DAB1: variants seen among roughly 807,000 people sequenced by gnomAD.
DAB1 encodes the protein DAB adaptor protein 1.
DAB1 carries 15 observed loss-of-function variants against 64.6 expected under a neutral mutation model. The observed-to-expected ratio is 0.23, with a 90% CI of 0.16 to 0.36. The LOEUF is 0.36. Ranked by LOEUF, DAB1 falls within the 10% of genes least tolerant of loss-of-function variation. DAB1 has a pLI of 1.00. For synonymous variants in DAB1, 235 were observed against 251.9 expected (o/e 0.93, Z 0.64); for missense variants, 596 against 706.7 (o/e 0.84, Z 1.78).
At chr1:57,986,347 C>A (rs1383913207) in intron 5 of DAB1, among the ~76,000 whole-genome samples, 1 of 152,052 alleles carries the variant, frequency 6.6e-6, no homozygotes, top group Non-Finnish European at 1.5e-5. Context: ...TAAAAAAGAC[C>A]CGAGAGTGCT....
chr1:57,043,898 C>A (rs1430090037), intron 9 of DAB1, among the ~76,000 whole-genome samples: 2 of 152,000 alleles, frequency 1.3e-5, no homozygotes, highest in African/African-American at 4.8e-5. Context: ...GGAATAAAAT[C>A]CAACCTCCTC....
intron 9 of DAB1, among the ~76,000 whole-genome samples, chr1:57,059,721 C>G (rs1422227484): frequency 6.6e-6 from 1 of 151,858 alleles, no homozygotes; most frequent in African/African-American, 2.4e-5. Flanking sequence ...ACTCTGACCT[C>G]TAATTATGTT....
intron 4 of DAB1, among the ~76,000 whole-genome samples, chr1:58,181,819 T>C (rs1360348643): frequency 6.6e-6 from 1 of 152,036 alleles, no homozygotes; most frequent in Non-Finnish European, 1.5e-5. Flanking sequence ...CAATTGTCTT[T>C]TAAATCAGTT....
At chr1:57,824,901 A>T (rs527762992), downstream of DAB1, among the ~76,000 whole-genome samples, 1 of 152,232 alleles carries the variant, frequency 6.6e-6, no homozygotes, top group South Asian at 2.1e-4. Flanking sequence ...CTGCATGGAG[A>T]AAGACATGAA....
intron 2 of DAB1, among the ~76,000 whole-genome samples, chr1:57,248,231 T>A (rs1178177608): frequency 6.6e-6 from 1 of 152,202 alleles, no homozygotes; most frequent in African/African-American, 2.4e-5. Context: ...TGTATTATTT[T>A]ATTGTTGTTT....
intron 5 of DAB1, among the ~76,000 whole-genome samples, chr1:57,983,976 G>A (rs761275086): frequency 5.9e-5 from 9 of 151,952 alleles, no homozygotes; most frequent in East Asian, 5.8e-4. Flanking sequence ...ATACACACGC[G>A]CACATGCACA....
chr1:58,132,474 G>A (rs1570397936), intron 5 of DAB1, among the ~76,000 whole-genome samples: 1 of 152,124 alleles, frequency 6.6e-6, no homozygotes, highest in South Asian at 2.1e-4. Flanking sequence ...CGGCCATCTT[G>A]GCTCCTCCCC....
chr1:57,503,260 TTC>T (rs1031457636), intron 7 of DAB1, among the ~76,000 whole-genome samples: 5 of 152,232 alleles, frequency 3.3e-5, no homozygotes, highest in African/African-American at 1.2e-4. Context: ...CTTAAATCCC[TTC>T]TCTTTCATTG....
intron 7 of DAB1, among the ~76,000 whole-genome samples, chr1:57,517,167 A>AT (rs1644472542): frequency 6.6e-6 from 1 of 151,310 alleles, no homozygotes; most frequent in Non-Finnish European, 1.5e-5. Context: ...TTATTTATTT[A>AT]TTTATTTTTT....
At chr1:57,060,694 G>A (rs12038933) in intron 9 of DAB1, among the ~76,000 whole-genome samples, 9 of 152,088 alleles carry the variant, frequency 5.9e-5, no homozygotes, top group South Asian at 4.1e-4. Context: ...AATGCTGGGG[G>A]AAGGCTGCAG....
intron 4 of DAB1, among the ~76,000 whole-genome samples, chr1:57,103,495 T>A (rs1162993891): frequency 6.6e-6 from 1 of 152,134 alleles, no homozygotes; most frequent in African/African-American, 2.4e-5. Context: ...TTAAATGAGA[T>A]CACCCTTTGC....
At chr1:57,563,923 C>T (rs1645084629) in intron 7 of DAB1, among the ~76,000 whole-genome samples, 1 of 152,190 alleles carries the variant, frequency 6.6e-6, no homozygotes, top group African/African-American at 2.4e-5. Context: ...CCCTGTCTGA[C>T]AGCTTTGAAG....
intron 3 of DAB1, among the ~76,000 whole-genome samples, chr1:58,446,081 C>G (rs1309528264): frequency 6.6e-6 from 1 of 152,196 alleles, no homozygotes; most frequent in Non-Finnish European, 1.5e-5. Context: ...CTGGTTACCC[C>G]TAACCATCTA....
chr1:58,139,315 A>G (rs1028563581), intron 5 of DAB1, among the ~76,000 whole-genome samples: 8 of 152,280 alleles, frequency 5.3e-5, no homozygotes, highest in African/African-American at 1.4e-4. Context: ...TCATGCTACT[A>G]TGAAGAAATA....
intron 5 of DAB1, among the ~76,000 whole-genome samples, chr1:58,111,577 C>T (rs1651966811): frequency 6.6e-6 from 1 of 152,190 alleles, no homozygotes. Flanking sequence ...TTACTTGGAA[C>T]ACATTTTGGG....
At chr1:57,457,900 T>G (rs1324792986) in intron 7 of DAB1, among the ~76,000 whole-genome samples, 2 of 152,092 alleles carry the variant, frequency 1.3e-5, no homozygotes, top group Non-Finnish European at 2.9e-5. Context: ...ATCAAAGATA[T>G]AATTGAAGAA....
intron 2 of DAB1, among the ~76,000 whole-genome samples, chr1:57,157,290 A>C (rs2100868992): frequency 6.6e-6 from 1 of 152,250 alleles, no homozygotes; most frequent in Non-Finnish European, 1.5e-5. Flanking sequence ...TGGAGGGGTC[A>C]ACTCCAACAT....
intron 7 of DAB1, among the ~76,000 whole-genome samples, chr1:57,541,426 G>T (rs988893431): frequency 6.6e-6 from 1 of 152,154 alleles, no homozygotes; most frequent in Admixed American, 6.5e-5. Context: ...ACCGCACCCA[G>T]CCAATAAAAA....
intron 2 of DAB1, among the ~76,000 whole-genome samples, chr1:57,245,531 G>A (rs1282728716): frequency 6.6e-6 from 1 of 152,122 alleles, no homozygotes; most frequent in Non-Finnish European, 1.5e-5. Context: ...AACTTGTGGT[G>A]TTTGGTTTTC....
Sources: gnomAD v4.1 joint callset for allele counts (sites outside exome capture counted in the v4.1 genomes callset) on GRCh38, gnomAD v4.1.1 for gene constraint, MANE v1.5 for transcripts, NCBI Gene and HGNC (gene_info 2026-07-23, HGNC 2026-07-21) for gene names.